Variants in RNF43 observed in about 807,000 individuals in gnomAD.
RNF43 encodes the protein ring finger protein 43.
A neutral mutation model predicts 78.4 loss-of-function variants in RNF43; 37 were observed. That is an observed-to-expected ratio of 0.47 (90% CI 0.36 to 0.62). The LOEUF is 0.62. Among genes scored for constraint, RNF43 ranks in the 20% least tolerant of loss-of-function variants. RNF43 has a pLI of 0.00. For synonymous variants in RNF43, 347 were observed against 395.0 expected (o/e 0.88, Z 1.44); for missense variants, 774 against 1,007.9 (o/e 0.77, Z 3.14).
chr17:58,388,923 G>A (rs1383638547), intron 2 of RNF43, among the ~76,000 whole-genome samples: 1 of 152,212 alleles, frequency 6.6e-6, no homozygotes, highest in African/African-American at 2.4e-5. Context: ...TGAAAAAATA[G>A]ATCTGCAAAG....
intron 2 of RNF43, among the ~76,000 whole-genome samples, chr17:58,379,824 C>T (rs1973276508): frequency 6.6e-6 from 1 of 152,174 alleles, no homozygotes; most frequent in Admixed American, 6.5e-5. Flanking sequence ...GGAGAAAAAT[C>T]CCAGCCACCC....
At chr17:58,394,465 T>G (rs1468271539) in intron 2 of RNF43, among the ~76,000 whole-genome samples, 1 of 152,138 alleles carries the variant, frequency 6.6e-6, no homozygotes, top group African/African-American at 2.4e-5. Flanking sequence ...ATTTAGAAAG[T>G]TATTAGAGAA....
intron 2 of RNF43, among the ~76,000 whole-genome samples, chr17:58,385,140 TTCC>T (rs755324724): frequency 2.6e-5 from 4 of 152,186 alleles, no homozygotes; most frequent in Non-Finnish European, 5.9e-5. Context: ...CTTACTTTTC[TTCC>T]TCTTCTTCTT....
chr17:58,359,060 C>T (rs1386838851), intron 8 of RNF43, among the ~76,000 whole-genome samples: 1 of 152,186 alleles, frequency 6.6e-6, no homozygotes, highest in Non-Finnish European at 1.5e-5. Context: ...TCCCCTCAGC[C>T]ATTTGGAGCT....
At chr17:58,378,017 A>T (rs1973242153) in intron 2 of RNF43, among the ~76,000 whole-genome samples, 1 of 152,152 alleles carries the variant, frequency 6.6e-6, no homozygotes, top group Non-Finnish European at 1.5e-5. Context: ...TCCCGGCACC[A>T]GAATAGGCCC....
intron 4 of RNF43, 43 bp from the exon 5 acceptor site, chr17:58,363,449 T>C (rs2143471440): frequency 6.2e-7 from 1 of 1,613,924 alleles, no homozygotes; most frequent in Non-Finnish European, 8.5e-7. Flanking sequence ...GACTTCTCCC[T>C]GCCCTTCCCT....
intron 2 of RNF43, among the ~76,000 whole-genome samples, chr17:58,408,244 T>A (rs1236861312): frequency 6.6e-6 from 1 of 152,258 alleles, no homozygotes; most frequent in East Asian, 1.9e-4. Flanking sequence ...TCTAGATATG[T>A]CTTAGAGAGT....
intron 2 of RNF43, among the ~76,000 whole-genome samples, chr17:58,400,368 T>C (rs1348168772): frequency 6.6e-6 from 1 of 152,206 alleles, no homozygotes; most frequent in Non-Finnish European, 1.5e-5. Context: ...TGATGCCAAA[T>C]TGAACGCAAA....
At chr17:58,383,625 T>C (rs1293893457) in intron 2 of RNF43, among the ~76,000 whole-genome samples, 2 of 151,910 alleles carry the variant, frequency 1.3e-5, no homozygotes, top group African/African-American at 2.4e-5. Flanking sequence ...TTTTTGTTTT[T>C]TGCATTTTGG....
At chr17:58,397,793 G>A (rs1243488653) in intron 2 of RNF43, among the ~76,000 whole-genome samples, 1 of 151,996 alleles carries the variant, frequency 6.6e-6, no homozygotes, top group Non-Finnish European at 1.5e-5. Flanking sequence ...CCCCGCTTTA[G>A]GCTATGTTAT....
intron 2 of RNF43, chr17:58,402,648 T>A (rs1391308615): frequency 6.6e-6 from 1 of 152,212 alleles, no homozygotes; most frequent in East Asian, 1.9e-4. Context: ...ACCCAGAAGA[T>A]AATTTCTTAA....
intron 2 of RNF43, among the ~76,000 whole-genome samples, chr17:58,373,213 G>A (rs978064248): frequency 5.9e-5 from 9 of 152,172 alleles, no homozygotes; most frequent in Non-Finnish European, 1.5e-5. Context: ...TGACCAGAGG[G>A]TCGCCTGGGA....
At chr17:58,386,933 G>A (rs1416440847) in intron 2 of RNF43, among the ~76,000 whole-genome samples, 1 of 152,106 alleles carries the variant, frequency 6.6e-6, no homozygotes, top group Non-Finnish European at 1.5e-5. Context: ...GATTACAGGT[G>A]TGAGCCACCA....
At chr17:58,365,360 C>A (rs150519721) in intron 3 of RNF43, among the ~76,000 whole-genome samples, 1 of 152,160 alleles carries the variant, frequency 6.6e-6, no homozygotes, top group African/African-American at 2.4e-5. Context: ...AGTTTTCACA[C>A]CCCTAGAACA....
intron 2 of RNF43, among the ~76,000 whole-genome samples, chr17:58,384,548 C>T (rs1289392597): frequency 6.6e-6 from 1 of 152,198 alleles, no homozygotes; most frequent in African/African-American, 2.4e-5. Flanking sequence ...TATAATCCTT[C>T]ATTAGCTATT....
In RNF43 at chr17:58,378,264, C is replaced by CT. The variant is rs1320953792; in HGVS notation, c.253-7232dup. ...TCTCTTTATTTTATTTTATTTTACTCTATTTATTTTTGAGATAGGGTCTTG... is the reference window on the plus strand; with the variant it reads ...TCTCTTTATTTTATTTTATTTTACTCTTATTTATTTTTGAGATAGGGTCTTG... On this transcript the variant is annotated intron_variant, in intron 2 of 9. Transcript: ENST00000407977. 6.6e-5 allele frequency among the ~76,000 whole-genome samples: 10 copies of CT among 152,146 alleles called. No individual in the cohort carries two copies. In the South Asian group the frequency reaches 1.0e-3, roughly 16 times the overall value.
intron 2 of RNF43, among the ~76,000 whole-genome samples, chr17:58,401,398 T>C (rs2143643701): frequency 6.6e-6 from 1 of 152,342 alleles, no homozygotes; most frequent in Non-Finnish European, 1.5e-5. Flanking sequence ...CTCGTTTCTG[T>C]GTAGAGTTTA....
At chr17:58,393,783 G>A (rs984678862) in intron 2 of RNF43, among the ~76,000 whole-genome samples, 15 of 152,162 alleles carry the variant, frequency 9.9e-5, no homozygotes, top group African/African-American at 2.7e-4. Flanking sequence ...GGCCGGGCGC[G>A]GTGGCTCACG....
chr17:58,402,329 T>C (rs906224606), intron 2 of RNF43, among the ~76,000 whole-genome samples: 3 of 152,266 alleles, frequency 2.0e-5, no homozygotes, highest in African/African-American at 7.2e-5. Context: ...GGAAATCTTC[T>C]AGAGCAAATG....
Sources: allele counts gnomAD v4.1 joint callset (sites outside exome capture counted in the v4.1 genomes callset), GRCh38; gene constraint gnomAD v4.1.1; transcripts MANE v1.5; gene names NCBI Gene and HGNC (gene_info 2026-07-23, HGNC 2026-07-21).